Variants in ATG13 observed in about 807,000 individuals in gnomAD.
ATG13 encodes the protein autophagy-related protein 13.
A neutral mutation model predicts 65.5 loss-of-function variants in ATG13; 23 were observed. That is an observed-to-expected ratio of 0.35 (90% CI 0.25 to 0.50). The LOEUF (loss-of-function observed/expected upper bound fraction) is 0.50, where lower values mean the gene tolerates loss of function less well. Among genes scored for constraint, ATG13 ranks in the 20% least tolerant of loss-of-function variants. The pLI, the probability that ATG13 is intolerant of heterozygous loss-of-function variation, is 0.98. For missense variants in ATG13, 566 were observed against 677.0 expected (o/e 0.84, Z 1.82); for synonymous variants, 252 against 245.2 (o/e 1.03, Z -0.26).
intron 11 of ATG13, among the ~76,000 whole-genome samples, chr11:46,661,222 T>A (rs1436685042): frequency 1.3e-5 from 2 of 152,034 alleles, no homozygotes; most frequent in Non-Finnish European, 2.9e-5. Flanking sequence ...GATATTGGAT[T>A]AAAGTCATAG....
chr11:46,664,867 TCCTATCAG>T lies in ATG13; in HGVS notation c.911_918del (p.Tyr304CysfsTer9). 6.2e-7 allele frequency: 1 copy of T among 1,613,984 alleles called. No individual in the cohort carries two copies. The highest frequency in any genetic ancestry group is 8.5e-7 in the Non-Finnish European group (1 of 1,179,836). On this transcript the variant is annotated frameshift_variant, in exon 13 of 19. Transcript: ENST00000683050. LOFTEE classifies it high-confidence loss of function. ...TGCTTAGCTCTCAAGCTCTCGCCTT[TCCTATCAG>T]CCTGCTGCCCTGGGCGTTGGATCAG... is the stretch of plus-strand genomic sequence containing the variant.
At chr11:46,661,996 TG>T (rs923730937) in intron 11 of ATG13, among the ~76,000 whole-genome samples, 6 of 152,262 alleles carry the variant, frequency 3.9e-5, no homozygotes, top group Non-Finnish European at 8.8e-5. Flanking sequence ...CAGTTTAGTT[TG>T]GGGGTTTGAG....
At chr11:46,627,557 G>A (rs929691961) in intron 1 of ATG13, among the ~76,000 whole-genome samples, 2 of 151,732 alleles carry the variant, frequency 1.3e-5, no homozygotes, top group Non-Finnish European at 2.9e-5. Flanking sequence ...TGCGACCTTC[G>A]CCTCCTGGGT....
intron 2 of ATG13, among the ~76,000 whole-genome samples, chr11:46,635,296 G>A (rs1426663953): frequency 6.6e-6 from 1 of 152,130 alleles, no homozygotes; most frequent in African/African-American, 2.4e-5. Flanking sequence ...GTGAGCCACC[G>A]AGCTTGGCCT....
intron 16 of ATG13, 56 bp downstream of exon 16, chr11:46,668,632 TC>T: frequency 6.3e-7 from 1 of 1,578,684 alleles, no homozygotes; most frequent in Non-Finnish European, 8.7e-7. Flanking sequence ...TCATTGTTCT[TC>T]CTGAGCCAGA....
At chr11:46,655,205 C>T (rs1255786370) in intron 7 of ATG13, among the ~76,000 whole-genome samples, 1 of 152,062 alleles carries the variant, frequency 6.6e-6, no homozygotes, top group Non-Finnish European at 1.5e-5. Context: ...CGAAACCATC[C>T]TGGCTAACAC....
Position 46,674,079 on chromosome 11 carries a change from A to G in ATG13, c.*1747A>G, listed in dbSNP as rs564841228. ...TGAACCCAGGCTCAGGTTTATCCCC[A>G]AGGCCCCAGCTTTGAGAAGGGGGAA... On this transcript the variant is annotated 3_prime_UTR_variant, in exon 19 of 19. Transcript: ENST00000683050. The G allele has an allele frequency of 6.6e-6, 1 of 152,300 alleles. No homozygotes were observed. The highest frequency in any genetic ancestry group is 1.9e-4 in the East Asian group (1 of 5,158). 9.4% of individuals were successfully genotyped at this position (152,300 alleles called of 1,614,324 possible). A position where few individuals can be genotyped will look rare whatever the true frequency, so the allele number is the denominator to read the frequency against.
intron 12 of ATG13, among the ~76,000 whole-genome samples, chr11:46,664,381 T>C (rs536160471): frequency 9.2e-5 from 14 of 152,176 alleles, no homozygotes; most frequent in Non-Finnish European, 2.1e-4. Context: ...TTTTTCAATA[T>C]AAATAGCAAC....
intron 11 of ATG13, among the ~76,000 whole-genome samples, chr11:46,660,656 C>T (rs1305211689): frequency 6.6e-6 from 1 of 151,492 alleles, no homozygotes; most frequent in East Asian, 1.9e-4. Context: ...GATCCGCCCG[C>T]CTCGGCCTCC....
At chr11:46,663,898 C>G in intron 11 of ATG13, 99 bp from the exon 12 acceptor site, 1 of 859,902 alleles carries the variant, frequency 1.2e-6, no homozygotes, top group Non-Finnish European at 1.8e-6. Flanking sequence ...GCCTCTCTTG[C>G]TACTGCCCCT....
chr11:46,618,030 C>G (rs1344335084), intron 1 of ATG13, 140 bp downstream of exon 1: 2 of 396,646 alleles, frequency 5.0e-6, no homozygotes, highest in African/African-American at 4.1e-5. Flanking sequence ...CCTGAGTTTT[C>G]TGTGGGAAGT....
chr11:46,670,637 T>C (rs982238483), intron 18 of ATG13, among the ~76,000 whole-genome samples: 19 of 151,942 alleles, frequency 1.3e-4, no homozygotes, highest in African/African-American at 4.4e-4. Flanking sequence ...TGAAACCCTG[T>C]CTCTACAAAA....
rs1565398210 is a variant in ATG13, at chr11:46,622,106, TATATATATATATATATATA to T, written c.-70+4217_-70+4235del. On this transcript the variant is annotated intron_variant, in intron 1 of 18. Coordinates refer to ENST00000683050, the MANE Select transcript of ATG13 (RefSeq NM_001346311.2). ...ATATATATATATATATATATATATA[TATATATATATATATATATA>T]TATTTATTTTAGAGATGGTATTTGC... 6.7e-3 allele frequency among the ~76,000 whole-genome samples: 828 copies of T among 123,648 alleles called. 24 individuals are homozygous for T. The highest frequency in any genetic ancestry group is 0.023 in the African/African-American group (795 of 33,912). 81.1% of individuals were successfully genotyped at this position (123,648 alleles called of 152,430 possible).
chr11:46,627,577 T>C (rs974477813), intron 1 of ATG13, among the ~76,000 whole-genome samples: 1 of 151,638 alleles, frequency 6.6e-6, no homozygotes, highest in Non-Finnish European at 1.5e-5. Flanking sequence ...TTCAAGCGAT[T>C]CTCCTGCCTC....
intron 7 of ATG13, among the ~76,000 whole-genome samples, chr11:46,655,485 A>T (rs1036662611): frequency 2.0e-5 from 3 of 152,162 alleles, no homozygotes; most frequent in Non-Finnish European, 4.4e-5. Flanking sequence ...AGGTAGGAGA[A>T]TCGCTTGAAC....
At position 46,656,234 on chromosome 11, in the gene ATG13, A is replaced by T. The variant is rs1565560788; in HGVS notation, c.460A>T (p.Ile154Leu). 6.2e-7 allele frequency: 1 copy of T among 1,612,608 alleles called. No homozygotes were observed. ...QGHEYVILYR[I>L]YFGEVQLSGL... ...TTTCTTATTTTTTCTTCCATACAGG[A>T]TATATTTTGGAGAAGTTCAGCTGAG... The change falls in exon 8 of 19, where the codon ATA (isoleucine) becomes TTA (leucine). Residue 154 changes from isoleucine to leucine, a missense_variant and splice_region_variant. Transcript: ENST00000683050.
chr11:46,624,711 C>G (rs2048901338), intron 1 of ATG13, among the ~76,000 whole-genome samples: 1 of 152,000 alleles, frequency 6.6e-6, no homozygotes, highest in Admixed American at 6.6e-5. Context: ...GGTGAAAGTT[C>G]CCCCTCACCC....
At chr11:46,622,101 A>ATATATATG in intron 1 of ATG13, among the ~76,000 whole-genome samples, 1 of 67,640 alleles carries the variant, frequency 1.5e-5, no homozygotes, top group Admixed American at 1.3e-4. Context: ...ATATATATAT[A>ATATATATG]TATATATATA....
At position 46,669,455 on chromosome 11, in the gene ATG13, T is replaced by C; in HGVS notation, c.1498T>C (p.Tyr500His). 3.1e-6 allele frequency: 5 copies of C among 1,614,178 alleles called. No individual in the cohort carries two copies. The highest frequency in any genetic ancestry group is 4.2e-6 in the Non-Finnish European group (5 of 1,179,998). ...TCTTCCGATGGACCTGGGGACCTTC[T>C]ATCGGGAGTTTCAGAACCCACCTCA... ...DILPMDLGTF[Y>H]REFQNPPQLS... is the part of the protein sequence containing the mutation. The change falls in exon 18 of 19, where the codon TAT becomes CAT. Residue 500 changes from tyrosine (Y) to histidine (H), a missense_variant. Around this residue, in one of 2 missense-constraint regions of ATG13, gnomAD observed 387 missense variants for 409.8 expected, o/e 0.94. Transcript: ENST00000683050.
Sources: allele counts gnomAD v4.1 joint callset (sites outside exome capture counted in the v4.1 genomes callset), GRCh38; gene constraint gnomAD v4.1.1; regional missense constraint gnomAD v4.1.1; transcripts MANE v1.5; gene names NCBI Gene and HGNC (gene_info 2026-07-23, HGNC 2026-07-21).